The following JAG1 variants were observed in gnomAD, a reference collection of about 807,000 sequenced individuals.
JAG1 encodes jagged canonical Notch ligand 1, also known as protein jagged-1.
A neutral mutation model predicts 148.7 loss-of-function variants in JAG1; 23 were observed. The ratio of observed to expected loss-of-function variants is 0.15; its 90% CI spans 0.11 to 0.22. The LOEUF (loss-of-function observed/expected upper bound fraction) is 0.22, where lower values mean the gene tolerates loss of function less well. JAG1 is among the 10% of genes least tolerant of loss of function. The probability of loss-of-function intolerance (pLI) is 1.00; values close to 1 mark genes in which losing one functional copy is unlikely to be tolerated. For missense variants in JAG1, 1,054 were observed against 1,611.2 expected, an observed-to-expected ratio of 0.65 and a Z score of 5.92; for synonymous variants, 572 against 598.3, an observed-to-expected ratio of 0.96 and a Z score of 0.64.
intron 18 of JAG1, 23 bp downstream of exon 18, chr20:10,644,840 G>A (rs778258413): frequency 6.5e-7 from 1 of 1,546,116 alleles, no homozygotes; most frequent in East Asian, 2.2e-5. Flanking sequence ...CCCTGGGAGA[G>A]TTCAAGGGGG....
chr20:10,645,285 C>T lies in JAG1; in HGVS notation c.2114-29G>A, dbSNP rs956927122. ...GAGGAAAATATTTCAGTGTGAGTCC[C>T]AGTGGCCCCCTCCCACAGAAGACAG... On this transcript the variant is annotated intron_variant, in intron 16 of 25. Coordinates refer to ENST00000254958, the MANE Select transcript of JAG1 (RefSeq NM_000214.3). This position sits in a 1 kb window ranked among gnomAD's most constrained non-coding sequence, Gnocchi z 6.1. 1 of 1,606,916 alleles carries T rather than the reference C, an allele frequency of 6.2e-7. No homozygotes were observed. Among genetic ancestry groups the T allele is most frequent in the Admixed American group, 1.7e-5 (1 of 60,014 alleles).
chr20:10,657,316 T>C (rs577595415), intron 4 of JAG1, among the ~76,000 whole-genome samples: 1 of 148,302 alleles, frequency 6.7e-6, no homozygotes, highest in Non-Finnish European at 1.5e-5. Context: ...GCCATGATTG[T>C]GCCATCATGG....
chr20:10,649,129 A>C lies in JAG1; in HGVS notation c.1349-22T>G, dbSNP rs778056066. 9.7e-6 allele frequency: 15 copies of C among 1,544,126 alleles called. No individual in the cohort carries two copies. The South Asian group carries it at 1.7e-4, about 17-fold the overall frequency. On this transcript the variant is annotated intron_variant, in intron 10 of 25. Transcript: ENST00000254958. The stretch of plus-strand genomic sequence containing the variant: ...ATATCTAAAAAATAAATAAGTCATC[A>C]TTTTAAAGAGGTAATTTACAGTGAA...
chr20:10,663,882 G>T, intron 3 of JAG1, 81 bp downstream of exon 3: 1 of 1,081,852 alleles, frequency 9.2e-7, no homozygotes, highest in South Asian at 1.2e-5. Context: ...GTACTAAGGA[G>T]ACAGATCCAG....
chr20:10,647,056 C>T lies in JAG1; in HGVS notation c.1768G>A (p.Gly590Arg). 2 of 1,614,244 alleles carry T rather than the reference C, an allele frequency of 1.2e-6. No individual in the cohort carries two copies. Among genetic ancestry groups the T allele is most frequent in the Non-Finnish European group, 1.7e-6 (2 of 1,180,040 alleles). ...ACGTTGGAGGAAATATACCGCACCC[C>T]TTCAGGTGTGTCGTTGGAAGCCATG... Reference protein sequence around the residue: ...VAMASNDTPEGVRYISSNVCG... With the variant: ...VAMASNDTPERVRYISSNVCG... Residue 590 changes from glycine (G) to arginine (R), a missense_variant, in exon 14 of 26, where the codon GGG becomes AGG. This residue lies in a region of JAG1 where 245 missense variants were observed against 373.1 expected (regional missense o/e 0.66). Transcript: ENST00000254958.
Position 10,645,072 on chromosome 20 carries a change from C to T in JAG1, c.2227+71G>A, listed in dbSNP as rs1359733022. ...CAGGCCCAGAGAAATATCATAAGCT[C>T]CAGGGGCCAACCAGCAGACACGCCC... is the stretch of plus-strand genomic sequence containing the variant. On this transcript the variant is annotated intron_variant, in intron 17 of 25. Transcript: ENST00000254958. The surrounding 1 kb of genome is among the most constrained non-coding windows in gnomAD (Gnocchi z 6.1). 6.6e-7 allele frequency: 1 copy of T among 1,520,738 alleles called. No individual in the cohort carries two copies. Among genetic ancestry groups the T allele is most frequent in the Non-Finnish European group, 9.1e-7 (1 of 1,094,968 alleles). The allele number at this position is 1,520,738 out of a possible 1,614,324, so 94.2% of individuals were successfully genotyped here. A position where few individuals can be genotyped will look rare whatever the true frequency, so the allele number is the denominator to read the frequency against.
chr20:10,650,391 A>C (rs746729855), intron 8 of JAG1, 31 bp from the exon 9 acceptor site: 1 of 1,226,638 alleles, frequency 8.2e-7, no homozygotes, highest in Non-Finnish European at 1.2e-6. Flanking sequence ...GGGGTTGACA[A>C]TTTAATTCAA....
chr20:10,664,492 G>A (rs2067439684), intron 2 of JAG1, among the ~76,000 whole-genome samples: 1 of 152,112 alleles, frequency 6.6e-6, no homozygotes, highest in South Asian at 2.1e-4. Context: ...GCCCTGGTGA[G>A]GCAGTCTCTA....
chr20:10,673,633 C>T lies in JAG1; in HGVS notation c.-103G>A. 1 of 472,224 alleles carries T rather than the reference C, an allele frequency of 2.1e-6. No homozygotes were observed. Among genetic ancestry groups the T allele is most frequent in the Non-Finnish European group, 3.2e-6 (1 of 315,376 alleles). 29.3% of individuals were successfully genotyped at this position (472,224 alleles called of 1,614,324 possible). ...CCGCTGCCCCTGCGGCCGCCGCGTC[C>T]CGGCTCTAATATACTCCGCCGATTG... On this transcript the variant is annotated 5_prime_UTR_variant, in exon 1 of 26. Transcript: ENST00000254958. The surrounding 1 kb of genome is among the most constrained non-coding windows in gnomAD (Gnocchi z 4.7).
At chr20:10,650,490 G>C in intron 8 of JAG1, 130 bp from the exon 9 acceptor site, 1 of 694,194 alleles carries the variant, frequency 1.4e-6, no homozygotes, top group Non-Finnish European at 2.6e-6. Flanking sequence ...GAAAGCTACA[G>C]CAGGACAAGT....
chr20:10,650,340 TAGG>T lies in JAG1; in HGVS notation c.1138_1140del (p.Pro380del), dbSNP rs2067337055. The T allele has an allele frequency of 6.2e-7, 1 of 1,610,212 alleles. No homozygotes were observed. ...CAGGTGCCCCCGTGGGAACAGTTAT[TAGG>T]AGAACAGTCATCAATGTCTGGTCAA... is the stretch of plus-strand genomic sequence containing the variant. On this transcript the variant is annotated inframe_deletion, in exon 9 of 26. Transcript: ENST00000254958.
At chr20:10,666,364 T>C (rs923814580) in intron 2 of JAG1, among the ~76,000 whole-genome samples, 59 of 152,258 alleles carry the variant, frequency 3.9e-4, no homozygotes, top group Non-Finnish European at 1.3e-4. Context: ...TCCCAGATCA[T>C]GCACCCCACA....
intron 12 of JAG1, 114 bp downstream of exon 12, chr20:10,648,435 T>TA: frequency 3.4e-6 from 3 of 890,180 alleles, no homozygotes; most frequent in Non-Finnish European, 5.6e-6. Context: ...AATAGGATGT[T>TA]AATAGATGTT....
At chr20:10,644,291 C>T in intron 19 of JAG1, 66 bp downstream of exon 19, 1 of 1,115,898 alleles carries the variant, frequency 9.0e-7, no homozygotes, top group African/African-American at 1.6e-5. Context: ...CACACACACA[C>T]ACACACACAC....
At chr20:10,656,756 C>T (rs563239598) in intron 4 of JAG1, among the ~76,000 whole-genome samples, 1 of 152,172 alleles carries the variant, frequency 6.6e-6, no homozygotes, top group South Asian at 2.1e-4. Flanking sequence ...ACCCTGGCTC[C>T]TTGAGCAGAG....
Position 10,673,335 on chromosome 20 carries a change from G to C in JAG1, c.81+115C>G. On this transcript the variant is annotated intron_variant, in intron 1 of 25. Coordinates refer to ENST00000254958, the MANE Select transcript of JAG1 (RefSeq NM_000214.3). The surrounding 1 kb of genome is among the most constrained non-coding windows in gnomAD (Gnocchi z 4.7). Reference sequence around the variant, plus strand: ...CAGGTGCAGCCGCTCGGGCGCAGGGGCGAGGAGTCGGGCGCTCGAGGGCTG... The same window carrying C: ...CAGGTGCAGCCGCTCGGGCGCAGGGCCGAGGAGTCGGGCGCTCGAGGGCTG... The C allele has an allele frequency of 1.2e-6, 1 of 804,182 alleles. No homozygotes were observed. 49.8% of individuals were successfully genotyped at this position (804,182 alleles called of 1,614,324 possible). A position where few individuals can be genotyped will look rare whatever the true frequency, so the allele number is the denominator to read the frequency against.
Position 10,661,910 on chromosome 20 carries a change from G to C in JAG1, c.439+2053C>G, listed in dbSNP as rs142838294. ...ACTAGGTATGGATGCTAACAGAGAG[G>C]GGGTACACAGATCGCCTTCTATATT... On this transcript the variant is annotated intron_variant, in intron 3 of 25. Transcript: ENST00000254958. 5.3e-5 allele frequency among the ~76,000 whole-genome samples: 8 copies of C among 152,300 alleles called. No individual in the cohort carries two copies. The East Asian group carries it at 5.8e-4, about 11-fold the overall frequency.
At position 10,638,494 on chromosome 20, in the gene JAG1, C is replaced by T. The variant is rs2067247511; in HGVS notation, c.*1004G>A. 1 of 152,608 alleles carries T rather than the reference C, an allele frequency of 6.6e-6. No individual in the cohort carries two copies. The highest frequency in any genetic ancestry group is 1.5e-5 in the Non-Finnish European group (1 of 68,042). 9.5% of individuals were successfully genotyped at this position (152,608 alleles called of 1,614,324 possible). ...TACTGCTCTGCAGCAGATCACCTGC[C>T]TGTCTCTTTTCAAGTCTAAAGCAGA... On this transcript the variant is annotated 3_prime_UTR_variant, in exon 26 of 26. Transcript: ENST00000254958.
rs764559590 is a variant in JAG1 at position 10,641,763 on chromosome 20, C to G, written c.2682+20G>C. The stretch of plus-strand genomic sequence containing the variant: ...CTGATTCCAGAACACAGGTGAACTG[C>G]GGCAGCCATCATGTCCTACCTTTGA... On this transcript the variant is annotated intron_variant, in intron 22 of 25. Transcript: ENST00000254958. 4 of 1,607,506 alleles carry G rather than the reference C, an allele frequency of 2.5e-6. No homozygotes were observed. The South Asian group carries it at 4.4e-5, about 18-fold the overall frequency.
Sources: gnomAD v4.1 joint callset for allele counts (sites outside exome capture counted in the v4.1 genomes callset) on GRCh38, gnomAD v4.1.1 for gene constraint, gnomAD v4.1.1 regional missense constraint, Gnocchi (gnomAD v3.1) non-coding constraint, MANE v1.5 for transcripts, NCBI Gene and HGNC (gene_info 2026-07-23, HGNC 2026-07-21) for gene names.